Variants in ENKUR observed in about 807,000 individuals in gnomAD.
ENKUR encodes the protein enkurin, TRPC channel interacting protein, also known as enkurin.
ENKUR carries 19 observed loss-of-function variants against 27.6 expected under a neutral mutation model. The observed-to-expected ratio is 0.69, with a 90% CI of 0.48 to 1.01. The LOEUF is 1.01. Among genes scored for constraint, ENKUR ranks in the 50% least tolerant of loss-of-function variants. The probability of loss-of-function intolerance (pLI) is 0.00; values close to 1 mark genes in which losing one functional copy is unlikely to be tolerated. For synonymous variants in ENKUR, 117 were observed against 96.9 expected (o/e 1.21, Z -1.22); for missense variants, 312 against 310.5 (o/e 1.00, Z -0.04).
At chr10:25,055,545 C>CAAAAA (rs142864120) in intron 2 of ENKUR, among the ~76,000 whole-genome samples, 3 of 94,350 alleles carry the variant, frequency 3.2e-5, no homozygotes, top group Non-Finnish European at 4.2e-5. Context: ...AACAAATTGG[C>CAAAAA]AAAAAAAAAA....
chr10:25,017,869 T>C (rs1348709202), upstream of ENKUR, among the ~76,000 whole-genome samples: 1 of 152,198 alleles, frequency 6.6e-6, no homozygotes, highest in Non-Finnish European at 1.5e-5. Context: ...CTCCTGTATG[T>C]ACGAAGATTC....
chr10:25,003,852 G>A (rs1017383848), intron 1 of ENKUR, among the ~76,000 whole-genome samples: 5 of 152,108 alleles, frequency 3.3e-5, no homozygotes, highest in African/African-American at 1.2e-4. Context: ...ATAGGCCCCA[G>A]GGTGTGTTGT....
intron 4 of ENKUR, among the ~76,000 whole-genome samples, chr10:24,989,961 G>C (rs1265952643): frequency 6.6e-6 from 1 of 152,060 alleles, no homozygotes; most frequent in African/African-American, 2.4e-5. Context: ...TTAAGTCTAT[G>C]TAATTAAAAA....
intron 2 of ENKUR, chr10:25,025,471 ATT>A: frequency 6.3e-7 from 1 of 1,580,448 alleles, no homozygotes; most frequent in Non-Finnish European, 8.6e-7. Flanking sequence ...TTCAGAGTAA[ATT>A]TTTTTTTCTA....
intron 2 of ENKUR, among the ~76,000 whole-genome samples, chr10:25,029,317 G>A (rs767296665): frequency 3.9e-5 from 6 of 152,068 alleles, no homozygotes; most frequent in Non-Finnish European, 8.8e-5. Flanking sequence ...TAGCCTAAAT[G>A]TAGGGAATTT....
At chr10:25,046,353 T>C (rs893613749) in intron 2 of ENKUR, among the ~76,000 whole-genome samples, 3 of 152,200 alleles carry the variant, frequency 2.0e-5, no homozygotes, top group Admixed American at 1.3e-4. Flanking sequence ...ATGAACGCAT[T>C]ATGTCAATCA....
chr10:24,995,147 C>G (rs1850018037), intron 3 of ENKUR, among the ~76,000 whole-genome samples: 1 of 152,158 alleles, frequency 6.6e-6, no homozygotes, highest in African/African-American at 2.4e-5. Flanking sequence ...AAAACCAAAA[C>G]CAAATAAATA....
At chr10:25,028,816 G>A (rs1850900361) in intron 2 of ENKUR, among the ~76,000 whole-genome samples, 1 of 152,132 alleles carries the variant, frequency 6.6e-6, no homozygotes, top group Non-Finnish European at 1.5e-5. Context: ...TGATTGATTA[G>A]ATTCGCTTTC....
At chr10:25,051,877 G>C (rs1851189802) in intron 2 of ENKUR, among the ~76,000 whole-genome samples, 1 of 152,212 alleles carries the variant, frequency 6.6e-6, no homozygotes, top group Non-Finnish European at 1.5e-5. Flanking sequence ...ATTCTGCTTA[G>C]AGCCTGTCCC....
chr10:25,023,147 G>C, intron 2 of ENKUR: 1 of 1,423,146 alleles, frequency 7.0e-7, no homozygotes, highest in Non-Finnish European at 9.5e-7. Flanking sequence ...ATCTTTTGTT[G>C]TTTTTTGTTT....
chr10:25,020,080 A>G, upstream of ENKUR, among the ~76,000 whole-genome samples: 1 of 152,248 alleles, frequency 6.6e-6, no homozygotes. Context: ...ACAAAATAAA[A>G]TTTAGTATGT....
chr10:25,056,495 T>C (rs1162646007), intron 2 of ENKUR, among the ~76,000 whole-genome samples: 1 of 152,214 alleles, frequency 6.6e-6, no homozygotes. Flanking sequence ...GGTATCACTA[T>C]GGAATCATTT....
At chr10:25,025,379 A>G in intron 2 of ENKUR, 1 of 1,614,244 alleles carries the variant, frequency 6.2e-7, no homozygotes, top group Non-Finnish European at 8.5e-7. Flanking sequence ...GAGAAGATGG[A>G]GTACCAGGTC....
At chr10:25,011,444 T>C (rs564051092) in intron 1 of ENKUR, among the ~76,000 whole-genome samples, 1 of 152,282 alleles carries the variant, frequency 6.6e-6, no homozygotes, top group African/African-American at 2.4e-5. Context: ...AAGCTCTAGT[T>C]TAATTAGATA....
chr10:25,049,908 T>G (rs962098624), intron 2 of ENKUR, among the ~76,000 whole-genome samples: 7 of 151,620 alleles, frequency 4.6e-5, no homozygotes, highest in African/African-American at 1.7e-4. Flanking sequence ...TGAGGCTGGG[T>G]AATTTATAAG....
chr10:25,033,854 T>G (rs1261670163), intron 2 of ENKUR, among the ~76,000 whole-genome samples: 2 of 150,078 alleles, frequency 1.3e-5, no homozygotes, highest in Non-Finnish European at 2.9e-5. Flanking sequence ...TATCTATCTA[T>G]CTATCTATCT....
chr10:24,988,540 A>T (rs562378741), intron 4 of ENKUR, among the ~76,000 whole-genome samples: 1 of 147,470 alleles, frequency 6.8e-6, no homozygotes, highest in Non-Finnish European at 1.5e-5. Flanking sequence ...ATCTATGTAC[A>T]TGTAGAGATA....
At chr10:25,021,323 A>G (rs2132751386) in intron 2 of ENKUR, among the ~76,000 whole-genome samples, 1 of 152,318 alleles carries the variant, frequency 6.6e-6, no homozygotes, top group Admixed American at 6.5e-5. Flanking sequence ...AGTGGATATT[A>G]TTACATATGA....
chr10:25,053,201 C>T (rs999188468), intron 2 of ENKUR, among the ~76,000 whole-genome samples: 23 of 151,976 alleles, frequency 1.5e-4, no homozygotes, highest in African/African-American at 5.1e-4. Flanking sequence ...ATTTATGCAG[C>T]ACAAAGTGAC....
Sources: gnomAD v4.1 joint callset for allele counts (sites outside exome capture counted in the v4.1 genomes callset) on GRCh38, gnomAD v4.1.1 for gene constraint, MANE v1.5 for transcripts, NCBI Gene and HGNC (gene_info 2026-07-23, HGNC 2026-07-21) for gene names.